Variants in ROBO2 observed in about 807,000 individuals in gnomAD.
ROBO2 encodes the protein roundabout homolog 2.
ROBO2 carries 53 observed loss-of-function variants against 160.8 expected under a neutral mutation model. That is an observed-to-expected ratio of 0.33 (90% CI 0.26 to 0.41). The LOEUF is 0.41. Among genes scored for constraint, ROBO2 ranks in the 10% least tolerant of loss-of-function variants. The probability of loss-of-function intolerance (pLI) is 1.00; values close to 1 mark genes in which losing one functional copy is unlikely to be tolerated. For synonymous variants in ROBO2, 664 were observed against 611.7 expected (o/e 1.09, Z -1.26); for missense variants, 1,577 against 1,722.4 (o/e 0.92, Z 1.49).
At chr3:77,147,821 A>G (rs1305391950) in intron 2 of ROBO2, among the ~76,000 whole-genome samples, 2 of 152,212 alleles carry the variant, frequency 1.3e-5, no homozygotes, top group African/African-American at 2.4e-5. Context: ...AACAAAGGAA[A>G]GATGAAAGAA....
intron 2 of ROBO2, among the ~76,000 whole-genome samples, chr3:76,269,600 CAG>C (rs1483369991): frequency 2.2e-5 from 3 of 136,130 alleles, no homozygotes; most frequent in Non-Finnish European, 4.8e-5. Flanking sequence ...AAAAAAAAAA[CAG>C]AGTAAATGAA....
intron 6 of ROBO2, among the ~76,000 whole-genome samples, chr3:77,526,692 T>C (rs1383983841): frequency 1.3e-5 from 2 of 151,490 alleles, no homozygotes; most frequent in Non-Finnish European, 3.0e-5. Flanking sequence ...AGTTATGGTA[T>C]AATAAAAAAA....
rs1491181246 is a variant in ROBO2 at position 76,992,369 on chromosome 3, A to ATATATT, written c.110-105645_110-105644insTATATT. The stretch of plus-strand genomic sequence containing the variant: ...TATATATATATATATATATATATAT[A>ATATATT]AATTTAGCTTTTGTAAAAAAAAAGT... On this transcript the variant is annotated intron_variant, in intron 2 of 26. Coordinates refer to the ROBO2 transcript ENST00000487694. Among the ~76,000 whole-genome samples, 57 of 30,228 alleles carry ATATATT rather than the reference A, an allele frequency of 1.9e-3. 1 individual carries two copies. The highest frequency in any genetic ancestry group is 0.01 in the East Asian group (3 of 300). The allele number at this position is 30,228 out of a possible 152,430, so 19.8% of individuals were successfully genotyped here. A position where few individuals can be genotyped will look rare whatever the true frequency, so the allele number is the denominator to read the frequency against.
At chr3:76,010,965 A>G (rs1389069249) in intron 2 of ROBO2, among the ~76,000 whole-genome samples, 2 of 152,218 alleles carry the variant, frequency 1.3e-5, no homozygotes. Flanking sequence ...TTTAGAAAAG[A>G]GAAGACCCCC....
At chr3:76,573,881 C>G (rs917243367) in intron 2 of ROBO2, among the ~76,000 whole-genome samples, 1 of 152,044 alleles carries the variant, frequency 6.6e-6, no homozygotes, top group African/African-American at 2.4e-5. Context: ...GTCCTATTAT[C>G]CCAACCATCC....
chr3:76,254,134 T>A (rs1421765954), intron 2 of ROBO2, among the ~76,000 whole-genome samples: 1 of 152,120 alleles, frequency 6.6e-6, no homozygotes, highest in Non-Finnish European at 1.5e-5. Flanking sequence ...TCTCTTTGGC[T>A]TTTTACTTTG....
chr3:77,173,436 T>C (rs1330395565), intron 2 of ROBO2, among the ~76,000 whole-genome samples: 1 of 152,126 alleles, frequency 6.6e-6, no homozygotes, highest in Non-Finnish European at 1.5e-5. Context: ...CTTGTTATGT[T>C]GGTGTTCTTT....
intron 2 of ROBO2, among the ~76,000 whole-genome samples, chr3:76,935,401 G>A (rs1029898194): frequency 4.6e-5 from 7 of 152,086 alleles, no homozygotes; most frequent in African/African-American, 1.7e-4. Flanking sequence ...TTTGTCAATT[G>A]TCTTGCTAAT....
chr3:76,281,911 C>T (rs1471143709), intron 2 of ROBO2, among the ~76,000 whole-genome samples: 2 of 151,864 alleles, frequency 1.3e-5, no homozygotes, highest in African/African-American at 4.8e-5. Flanking sequence ...TGGTCTACAC[C>T]CCTCTGGAGC....
At chr3:76,070,725 C>T (rs138768379) in intron 2 of ROBO2, among the ~76,000 whole-genome samples, 5,708 of 152,134 alleles carry the variant, frequency 0.038, 150 homozygotes, top group Non-Finnish European at 0.062. Flanking sequence ...AACCTACTGA[C>T]ATGTGATGTC....
intron 2 of ROBO2, among the ~76,000 whole-genome samples, chr3:76,295,364 TA>T (rs1709014813): frequency 6.6e-6 from 1 of 152,134 alleles, no homozygotes; most frequent in Admixed American, 6.5e-5. Context: ...TAAAAAAAAG[TA>T]TGAATGTAGA....
At chr3:77,124,120 C>T (rs2150296733) in intron 2 of ROBO2, among the ~76,000 whole-genome samples, 1 of 152,166 alleles carries the variant, frequency 6.6e-6, no homozygotes, top group Admixed American at 6.5e-5. Flanking sequence ...GGGTTAAAGG[C>T]AGATATTTTC....
intron 2 of ROBO2, among the ~76,000 whole-genome samples, chr3:77,142,719 TG>T (rs2076804023): frequency 6.6e-6 from 1 of 152,104 alleles, no homozygotes; most frequent in Non-Finnish European, 1.5e-5. Flanking sequence ...CTATTACTTC[TG>T]CATCTGTCTT....
intron 2 of ROBO2, among the ~76,000 whole-genome samples, chr3:76,245,508 G>C (rs1705564657): frequency 6.6e-6 from 1 of 152,078 alleles, no homozygotes; most frequent in Non-Finnish European, 1.5e-5. Context: ...TATAAAAAAT[G>C]AGTTTCTATT....
chr3:76,773,937 C>T (rs2062071622), intron 2 of ROBO2, among the ~76,000 whole-genome samples: 1 of 150,854 alleles, frequency 6.6e-6, no homozygotes, highest in African/African-American at 2.4e-5. Flanking sequence ...GTGAAATTTG[C>T]TCCACTGGAT....
chr3:76,076,472 A>G (rs1323576889), intron 2 of ROBO2, among the ~76,000 whole-genome samples: 1 of 152,214 alleles, frequency 6.6e-6, no homozygotes, highest in East Asian at 1.9e-4. Flanking sequence ...GACATTTTAT[A>G]CTATAGACAT....
chr3:77,440,151 G>A (rs1180348742), intron 2 of ROBO2, among the ~76,000 whole-genome samples: 2 of 152,060 alleles, frequency 1.3e-5, no homozygotes, highest in Non-Finnish European at 2.9e-5. Flanking sequence ...ATAAAAGATG[G>A]TTTAGTAAGA....
chr3:76,369,117 T>C (rs1006487143), intron 2 of ROBO2, among the ~76,000 whole-genome samples: 3 of 151,992 alleles, frequency 2.0e-5, no homozygotes, highest in African/African-American at 7.2e-5. Context: ...ACTCTATCCA[T>C]GGCAATGTGG....
intron 2 of ROBO2, among the ~76,000 whole-genome samples, chr3:76,277,011 T>G (rs138703083): frequency 1.3e-5 from 2 of 152,166 alleles, no homozygotes; most frequent in East Asian, 3.9e-4. Flanking sequence ...ATACAATATT[T>G]TTTAATAATT....
Sources: gnomAD v4.1 joint callset for allele counts (sites outside exome capture counted in the v4.1 genomes callset) on GRCh38, gnomAD v4.1.1 for gene constraint, MANE v1.5 for transcripts, NCBI Gene and HGNC (gene_info 2026-07-23, HGNC 2026-07-21) for gene names.